DRC11: variants seen among roughly 807,000 people sequenced by gnomAD.
DRC11 encodes the protein IQ and AAA domain-containing protein 1.
chr2:236,363,580 G>C, the DRC11 span, among the ~76,000 whole-genome samples: 1 of 152,246 alleles, frequency 6.6e-6, no homozygotes, highest in East Asian at 1.9e-4. The surrounding 1 kb of genome is among the most constrained non-coding windows in gnomAD (Gnocchi z 5.6). Flanking sequence ...GGATGGCACA[G>C]TAGGGTGCTT....
chr2:236,488,052 A>G, the DRC11 span: 1 of 1,606,334 alleles, frequency 6.2e-7, no homozygotes, highest in Non-Finnish European at 8.5e-7. Flanking sequence ...CTTGCCAAGC[A>G]TCTTGGATTG....
chr2:236,444,623 C>T, the DRC11 span, among the ~76,000 whole-genome samples: 8 of 152,314 alleles, frequency 5.3e-5, no homozygotes, highest in African/African-American at 1.7e-4. Context: ...GTAGCCCATC[C>T]ACTTCCGGAT....
chr2:236,397,124 G>A, the DRC11 span, among the ~76,000 whole-genome samples: 25 of 152,370 alleles, frequency 1.6e-4, no homozygotes, highest in Middle Eastern at 3.4e-3. This position sits in a 1 kb window ranked among gnomAD's most constrained non-coding sequence, Gnocchi z 5.0. Context: ...CCACAGGGGC[G>A]TGTGTAGCGA....
the DRC11 span, among the ~76,000 whole-genome samples, chr2:236,386,482 T>G: frequency 6.6e-6 from 1 of 152,154 alleles, no homozygotes; most frequent in East Asian, 1.9e-4. Flanking sequence ...GATGGTAGTT[T>G]GTATTTCTGT....
the DRC11 span, chr2:236,408,938 C>T: frequency 1.5e-6 from 1 of 687,902 alleles, no homozygotes; most frequent in African/African-American, 1.8e-5. The surrounding 1 kb of genome is among the most constrained non-coding windows in gnomAD (Gnocchi z 5.5). Flanking sequence ...CCTTGTATCC[C>T]AGGAAGGCTG....
At chr2:236,406,105 C>T in the DRC11 span, among the ~76,000 whole-genome samples, 1 of 152,186 alleles carries the variant, frequency 6.6e-6, no homozygotes, top group African/African-American at 2.4e-5. This position sits in a 1 kb window ranked among gnomAD's most constrained non-coding sequence, Gnocchi z 4.7. Flanking sequence ...ATAAATGCTA[C>T]ATGGAGAACG....
the DRC11 span, among the ~76,000 whole-genome samples, chr2:236,455,289 T>C: frequency 8.5e-5 from 13 of 152,240 alleles, no homozygotes; most frequent in African/African-American, 3.1e-4. This position sits in a 1 kb window ranked among gnomAD's most constrained non-coding sequence, Gnocchi z 5.7. Flanking sequence ...GCCTCGCCTA[T>C]TATGAGCCAT....
At chr2:236,313,558 C>T in the DRC11 span, among the ~76,000 whole-genome samples, 1 of 152,138 alleles carries the variant, frequency 6.6e-6, no homozygotes, top group Admixed American at 6.5e-5. The surrounding 1 kb of genome is among the most constrained non-coding windows in gnomAD (Gnocchi z 4.5). Flanking sequence ...CTCTTGGGCC[C>T]TTATCCCAGT....
the DRC11 span, among the ~76,000 whole-genome samples, chr2:236,361,097 G>A: frequency 6.6e-6 from 1 of 152,136 alleles, no homozygotes; most frequent in Non-Finnish European, 1.5e-5. This position sits in a 1 kb window ranked among gnomAD's most constrained non-coding sequence, Gnocchi z 5.7. Context: ...GAGCACATAA[G>A]GACTCTAAGG....
chr2:236,502,730 C>T, the DRC11 span, among the ~76,000 whole-genome samples: 1 of 151,800 alleles, frequency 6.6e-6, no homozygotes, highest in African/African-American at 2.4e-5. Context: ...ATGCTAGGTA[C>T]AGATCAGTGC....
the DRC11 span, among the ~76,000 whole-genome samples, chr2:236,414,487 C>T: frequency 3.4e-4 from 51 of 152,034 alleles, no homozygotes; most frequent in African/African-American, 9.4e-4. Context: ...GTATTTATTG[C>T]GCTTCTTTTT....
chr2:236,357,023 CTA>C, the DRC11 span, among the ~76,000 whole-genome samples: 2 of 109,936 alleles, frequency 1.8e-5, no homozygotes, highest in African/African-American at 3.7e-5. Flanking sequence ...TATTATATAT[CTA>C]TATATTTATA....
the DRC11 span, among the ~76,000 whole-genome samples, chr2:236,504,574 C>A: frequency 6.6e-6 from 1 of 152,312 alleles, no homozygotes; most frequent in South Asian, 2.1e-4. This position sits in a 1 kb window ranked among gnomAD's most constrained non-coding sequence, Gnocchi z 5.0. Context: ...CCTTCACTGG[C>A]AAACCTGGAT....
At chr2:236,455,620 C>T in the DRC11 span, among the ~76,000 whole-genome samples, 1 of 152,226 alleles carries the variant, frequency 6.6e-6, no homozygotes, top group African/African-American at 2.4e-5. This position sits in a 1 kb window ranked among gnomAD's most constrained non-coding sequence, Gnocchi z 5.7. Context: ...TCAAATTCAA[C>T]TGGCATCTAC....
chr2:236,375,960 T>A, the DRC11 span, among the ~76,000 whole-genome samples: 1 of 152,134 alleles, frequency 6.6e-6, no homozygotes, highest in East Asian at 1.9e-4. This position sits in a 1 kb window ranked among gnomAD's most constrained non-coding sequence, Gnocchi z 4.2. Context: ...GGGAACAGAA[T>A]CTCCACAGCC....
At chr2:236,391,729 A>G in the DRC11 span, among the ~76,000 whole-genome samples, 2 of 152,302 alleles carry the variant, frequency 1.3e-5, no homozygotes, top group Non-Finnish European at 1.5e-5. The surrounding 1 kb of genome is among the most constrained non-coding windows in gnomAD (Gnocchi z 4.5). Context: ...CTTGGGTAAT[A>G]TGAATCTGCA....
the DRC11 span, among the ~76,000 whole-genome samples, chr2:236,463,566 C>A: frequency 6.6e-6 from 1 of 152,102 alleles, no homozygotes; most frequent in Non-Finnish European, 1.5e-5. This position sits in a 1 kb window ranked among gnomAD's most constrained non-coding sequence, Gnocchi z 5.0. Flanking sequence ...TTGAAGCAAA[C>A]ATTCGTAAAG....
the DRC11 span, among the ~76,000 whole-genome samples, chr2:236,479,939 A>G: frequency 6.6e-6 from 1 of 151,216 alleles, no homozygotes; most frequent in African/African-American, 2.4e-5. The surrounding 1 kb of genome is among the most constrained non-coding windows in gnomAD (Gnocchi z 4.1). Context: ...AATTCCCTCA[A>G]ATTTTGTTTG....
At chr2:236,333,454 C>T in the DRC11 span, 58,985 of 152,884 alleles carry the variant, frequency 0.39, 11,864 homozygotes, top group African/African-American at 0.49. The surrounding 1 kb of genome is among the most constrained non-coding windows in gnomAD (Gnocchi z 6.0). Context: ...TGTCTTCCGT[C>T]CAAATTTATA....
Sources: gnomAD v4.1 joint callset for allele counts (sites outside exome capture counted in the v4.1 genomes callset) on GRCh38, gnomAD v4.1.1 for gene constraint, Gnocchi (gnomAD v3.1) non-coding constraint, MANE v1.5 for transcripts, NCBI Gene and HGNC (gene_info 2026-07-23, HGNC 2026-07-21) for gene names.